FLG: variants seen among roughly 807,000 people sequenced by gnomAD.
The protein encoded by FLG is epidermal filaggrin.
Under a neutral mutation model 3.8 loss-of-function variants are expected in FLG, and 6 were observed. The observed-to-expected ratio is 1.60, with a 90% CI of 0.87 to 3.15. The LOEUF is 3.15. Ranked by LOEUF, FLG falls within the 30% of genes most tolerant of loss-of-function variation. The pLI, the probability that FLG is intolerant of heterozygous loss-of-function variation, is 0.00. For missense variants in FLG, 7,595 were observed against 5,050.9 expected (o/e 1.50, Z -15.27); for synonymous variants, 2,551 against 1,931.6 (o/e 1.32, Z -8.41).
In FLG at chr1:152,314,242, T is replaced by C. The variant is rs1256434653; in HGVS notation, c.644A>G (p.Tyr215Cys). The C allele has an allele frequency of 1.2e-6, 2 of 1,613,676 alleles. No individual in the cohort carries two copies. Among genetic ancestry groups the C allele is most frequent in the South Asian group, 1.1e-5 (1 of 91,068 alleles). The change falls in exon 3 of 3, where the codon TAT becomes TGT. Residue 215 changes from tyrosine to cysteine, a missense_variant. Transcript: ENST00000368799. ...EEKEDNEEGV[Y>C]DYENTGRMTQ... ...CATTCTTCCTGTATTTTCATAATCA[T>C]ATACTCCTTCTTCATTGTCTTCTTT...
chr1:152,304,353 A>T lies in FLG; in HGVS notation c.10533T>A (p.Thr3511=), dbSNP rs146046754. The change falls in exon 3 of 3, where the codon ACT becomes ACA. Residue 3511 remains threonine, a synonymous_variant. Coordinates refer to ENST00000368799, the MANE Select transcript of FLG (RefSeq NM_002016.2). The part of the protein sequence containing the change: ...HSWSHHHEAS[T]QADSSRHSQS... ...GTGAGTGTCTAGAGCTGTCCGCCTG[A>T]GTGGAAGCTTCATGGTGATGCGACC... The T allele has an allele frequency of 1.2e-6, 2 of 1,611,566 alleles. No individual in the cohort carries two copies. Among genetic ancestry groups the T allele is most frequent in the Middle Eastern group, 1.6e-4 (1 of 6,072 alleles).
rs779044304 is a variant in FLG, at chr1:152,303,137, G to C, written c.11749C>G (p.Pro3917Ala). The change falls in exon 3 of 3, where the codon CCT becomes GCT. Residue 3917 changes from proline to alanine, a missense_variant. Coordinates refer to ENST00000368799, the MANE Select transcript of FLG (RefSeq NM_002016.2). Reference protein sequence around the residue: ...RDTASHVQSSPVQSDSSTAKE... With the variant: ...RDTASHVQSSAVQSDSSTAKE... ...GCGGTACTAGAGTCTGACTGTACAG[G>C]TGAAGACTGTACATGACTGGCTGTA... is the stretch of plus-strand genomic sequence containing the variant. 3 of 1,614,034 alleles carry C rather than the reference G, an allele frequency of 1.9e-6. No homozygotes were observed. The Admixed American group carries it at 5.0e-5, about 27-fold the overall frequency.
At position 152,304,375 on chromosome 1, in the gene FLG, G is replaced by A. The variant is rs749166276; in HGVS notation, c.10511C>T (p.Ser3504Leu). 3.1e-6 allele frequency: 5 copies of A among 1,611,754 alleles called. 1 individual carries two copies. Among genetic ancestry groups the A allele is most frequent in the South Asian group, 1.1e-5 (1 of 90,510 alleles). The change falls in exon 3 of 3, where the codon TCG becomes TTG. Residue 3504 changes from serine to leucine, a missense_variant. By Grantham distance (145) the Ser-to-Leu change is moderately radical. Coordinates refer to ENST00000368799, the MANE Select transcript of FLG (RefSeq NM_002016.2). ...QSGDGSRHSW[S>L]HHHEASTQAD... ...CTGAGTGGAAGCTTCATGGTGATGC[G>A]ACCATGAGTGCCTGGAGCCATCTCC...
Position 152,310,976 on chromosome 1 carries a change from C to T in FLG, c.3910G>A (p.Asp1304Asn), listed in dbSNP as rs757561931. ...HHGSSREQSR[D>N]GSRHPGFHQE... ...TGGAACCCAGGGTGTCTGGAGCCAT[C>T]TCTTGACTGCTCCCGAGAAGATCCA... The change falls in exon 3 of 3, where the codon GAT (aspartate) becomes AAT (asparagine). Residue 1304 changes from aspartate to asparagine, a missense_variant. Physicochemically the swap from Asp to Asn is conservative, Grantham distance 23. Coordinates refer to ENST00000368799, the MANE Select transcript of FLG (RefSeq NM_002016.2). The T allele has an allele frequency of 1.9e-6, 3 of 1,613,882 alleles. No individual in the cohort carries two copies. Among genetic ancestry groups the T allele is most frequent in the East Asian group, 2.2e-5 (1 of 44,858 alleles).
rs747864838 is a variant in FLG at position 152,304,483 on chromosome 1, G to A, written c.10403C>T (p.Thr3468Ile). Residue 3468 changes from threonine (T) to isoleucine (I), a missense_variant, in exon 3 of 3, where the codon ACA (threonine) becomes ATA (isoleucine). Coordinates refer to ENST00000368799, the MANE Select transcript of FLG (RefSeq NM_002016.2). ...GGAGGCATCAGACCTTCCCTGGGAT[G>A]TGGTGTGGCTGTGATGGGACCCTGA... ...GHSGSHHSHT[T>I]SQGRSDASRG... 3 of 1,612,952 alleles carry A rather than the reference G, an allele frequency of 1.9e-6. No homozygotes were observed. The highest frequency in any genetic ancestry group is 1.7e-6 in the Non-Finnish European group (2 of 1,179,674).
rs1212309418 is a variant in FLG, at chr1:152,310,728, T to C, written c.4158A>G (p.Gly1386=). 2 of 1,613,974 alleles carry C rather than the reference T, an allele frequency of 1.2e-6. No homozygotes were observed. Among genetic ancestry groups the C allele is most frequent in the African/African-American group, 1.3e-5 (1 of 74,960 alleles). ...CCTGACTACCACTGGACCCTCGGTG[T>C]CCACTGTCTCTGACTGCAGATGAAG... ...RQASSAVRDS[G]HRGSSGSQVT... The change falls in exon 3 of 3, where the codon GGA becomes GGG. Residue 1386 remains glycine, a synonymous_variant. Transcript: ENST00000368799.
chr1:152,314,757 G>A lies in FLG; in HGVS notation c.139-10C>T. 6.2e-7 allele frequency: 1 copy of A among 1,613,764 alleles called. No homozygotes were observed. Among genetic ancestry groups the A allele is most frequent in the Non-Finnish European group, 8.5e-7 (1 of 1,179,770 alleles). On this transcript the variant is annotated splice_polypyrimidine_tract_variant and intron_variant, in intron 2 of 2. Coordinates refer to ENST00000368799, the MANE Select transcript of FLG (RefSeq NM_002016.2). ...CTGGGTCATCTGGATTCTGTACAGA[G>A]GGAAGTCACAGAGGGAGACTGCATC... is the stretch of plus-strand genomic sequence containing the variant.
Position 152,312,969 on chromosome 1 carries a change from C to T in FLG, c.1917G>A (p.Gly639=). ...GHSEDSERWS[G]SASRNHHGSA... is the part of the protein sequence containing the mutation. Reference sequence around the variant, plus strand: ...ATCCATGATGGTTTCTGGAAGCAGACCCAGACCACCTCTCAGAGTCTTCTG... The same window carrying T: ...ATCCATGATGGTTTCTGGAAGCAGATCCAGACCACCTCTCAGAGTCTTCTG... The change falls in exon 3 of 3, where the codon GGG becomes GGA. Residue 639 remains glycine, a synonymous_variant. Transcript: ENST00000368799. The T allele has an allele frequency of 6.2e-7, 1 of 1,613,944 alleles. No individual in the cohort carries two copies. The highest frequency in any genetic ancestry group is 8.5e-7 in the Non-Finnish European group (1 of 1,180,014).
rs752355417 is a variant in FLG at position 152,307,910 on chromosome 1, C to T, written c.6976G>A (p.Ala2326Thr). 1 of 1,613,408 alleles carries T rather than the reference C, an allele frequency of 6.2e-7. No individual in the cohort carries two copies. The highest frequency in any genetic ancestry group is 8.5e-7 in the Non-Finnish European group (1 of 1,179,756). Reference sequence around the variant, plus strand: ...TGGTGGGATCCGTGTCTCTCTCCTGCACTTGATCTTGCCTGTTCATGGGAT... The same window carrying T: ...TGGTGGGATCCGTGTCTCTCTCCTGTACTTGATCTTGCCTGTTCATGGGAT... ...ASSHEQARSS[A>T]GERHGSHHQQ... is the part of the protein sequence containing the mutation. The change falls in exon 3 of 3, where the codon GCA becomes ACA. Residue 2326 changes from alanine to threonine, a missense_variant. Coordinates refer to ENST00000368799, the MANE Select transcript of FLG (RefSeq NM_002016.2).
In FLG at chr1:152,303,481, C is replaced by T. The variant is rs753492442; in HGVS notation, c.11405G>A (p.Gly3802Glu). 1.9e-6 allele frequency: 3 copies of T among 1,614,028 alleles called. No individual in the cohort carries two copies. Among genetic ancestry groups the T allele is most frequent in the East Asian group, 4.5e-5 (2 of 44,868 alleles). The change falls in exon 3 of 3, where the codon GGG (glycine) becomes GAG (glutamate). Residue 3802 changes from glycine (G) to glutamate (E), a missense_variant. Physicochemically the swap from Gly to Glu is moderately conservative, Grantham distance 98. Coordinates refer to ENST00000368799, the MANE Select transcript of FLG (RefSeq NM_002016.2). ...GCTTGCACTTCTGGATCCTGACTGC[C>T]CATGGGAGGCATCAGACCTTCCCTG... ...TSQGRSDASH[G>E]QSGSRSASRE...
chr1:152,309,327 A>G lies in FLG; in HGVS notation c.5559T>C (p.Asp1853=), dbSNP rs572805958. 1 of 1,613,808 alleles carries G rather than the reference A, an allele frequency of 6.2e-7. No homozygotes were observed. The highest frequency in any genetic ancestry group is 1.3e-5 in the African/African-American group (1 of 74,908). ...HSHTTSQERS[D]VSRGQSGSRS... The stretch of plus-strand genomic sequence containing the variant: ...TGGATCCTGACTGCCCACGGGAGAC[A>G]TCAGACCTTTCCTGGGACGTGGTGT... The change falls in exon 3 of 3, where the codon GAT becomes GAC. Residue 1853 remains aspartate, a synonymous_variant. Coordinates refer to ENST00000368799, the MANE Select transcript of FLG (RefSeq NM_002016.2).
chr1:152,320,217 A>G (rs1228442895), intron 1 of FLG, among the ~76,000 whole-genome samples: 1 of 151,252 alleles, frequency 6.6e-6, no homozygotes, highest in African/African-American at 2.4e-5. Context: ...AAAGAAATAC[A>G]GAACAGGTGA....
At position 152,308,206 on chromosome 1, in the gene FLG, T is replaced by C; in HGVS notation, c.6680A>G (p.Gln2227Arg). ...ADSSRHSLVG[Q>R]GQSSGPRTSR... ...TGTCCTGGGCCCTGATGATTGTCCC[T>C]GGCCCACCAGTGAGTGTCTAGAGCT... The change falls in exon 3 of 3, where the codon CAG (glutamine) becomes CGG (arginine). Residue 2227 changes from glutamine to arginine, a missense_variant. Transcript: ENST00000368799. 6.2e-7 allele frequency: 1 copy of C among 1,614,022 alleles called. No homozygotes were observed. Among genetic ancestry groups the C allele is most frequent in the East Asian group, 2.2e-5 (1 of 44,846 alleles).
chr1:152,313,456 T>C lies in FLG; in HGVS notation c.1430A>G (p.Gln477Arg). ...GGTCCGTCCATGGGCAGAGTCAGGC[T>C]GTTCATGAGTGCTCACCTGGTAGAG... is the stretch of plus-strand genomic sequence containing the variant. ...SSLYQVSTHEQPDSAHGRTGT... is the reference protein window; with the variant it reads ...SSLYQVSTHERPDSAHGRTGT... Residue 477 changes from glutamine (Q) to arginine (R), a missense_variant, in exon 3 of 3, where the codon CAG (glutamine) becomes CGG (arginine). Transcript: ENST00000368799. 2.5e-6 allele frequency: 4 copies of C among 1,613,908 alleles called. No individual in the cohort carries two copies. The South Asian group carries it at 4.4e-5, about 18-fold the overall frequency.
chr1:152,312,906 G>A lies in FLG; in HGVS notation c.1980C>T (p.Pro660=), dbSNP rs371589282. ...CAGCTCTGTCTTCGTGATGGGACCT[G>A]GGGTGTCTGGAGCCATCTCTTGACT... ...QEQSRDGSRH[P]RSHHEDRAGH... Residue 660 remains proline (P), a synonymous_variant, in exon 3 of 3, where the codon CCC becomes CCT. Coordinates refer to ENST00000368799, the MANE Select transcript of FLG (RefSeq NM_002016.2). The A allele has an allele frequency of 1.2e-6, 2 of 1,613,982 alleles. No individual in the cohort carries two copies. Among genetic ancestry groups the A allele is most frequent in the African/African-American group, 2.7e-5 (2 of 74,918 alleles).
Position 152,313,522 on chromosome 1 carries a change from C to T in FLG, c.1364G>A (p.Arg455His), listed in dbSNP as rs1167365260. 1.5e-5 allele frequency: 24 copies of T among 1,613,988 alleles called. No homozygotes were observed. Among genetic ancestry groups the T allele is most frequent in the Middle Eastern group, 1.6e-4 (1 of 6,062 alleles). The change falls in exon 3 of 3, where the codon CGT (arginine) becomes CAT (histidine). Residue 455 changes from arginine to histidine, a missense_variant. By Grantham distance (29) the Arg-to-His change is conservative. Transcript: ENST00000368799. ...LRQQSHQEST[R>H]GRSGERSGRS... ...TCCAGACCGTTCCCCTGACCGGCCA[C>T]GTGTGGACTCTTGGTGGCTCTGCTG...
rs572678186 is a variant in FLG, at chr1:152,307,239, C to T, written c.7647G>A (p.Val2549=). ...TGGGCCCCTCTGATTGTCCCTGGCC[C>T]ACCTGCGAGTGTCCAGAGCTGTCGG... ...SRADSSGHSQ[V]GQGQSEGPRT... Residue 2549 remains valine, a synonymous_variant, in exon 3 of 3, where the codon GTG becomes GTA. Transcript: ENST00000368799. 3.7e-5 allele frequency: 59 copies of T among 1,610,860 alleles called. No individual in the cohort carries two copies. Among genetic ancestry groups the T allele is most frequent in the Middle Eastern group, 1.7e-4 (1 of 6,058 alleles).
Position 152,314,441 on chromosome 1 carries a change from C to A in FLG, c.445G>T (p.Gly149Trp). The A allele has an allele frequency of 6.2e-7, 1 of 1,613,346 alleles. No individual in the cohort carries two copies. The highest frequency in any genetic ancestry group is 2.2e-5 in the East Asian group (1 of 44,844). ...TCAGAACTAGATTCATGCCTTTTCC[C>A]CCCTGTTTCTCTTGGGCTCTTGGAT... ...GRSKSPRETG[G>W]KRHESSSEKK... Residue 149 changes from glycine (G) to tryptophan (W), a missense_variant, in exon 3 of 3, where the codon GGG becomes TGG. Physicochemically the swap from Gly to Trp is radical, Grantham distance 184 (BLOSUM62 -2). Coordinates refer to ENST00000368799, the MANE Select transcript of FLG (RefSeq NM_002016.2).
At chr1:152,318,484 G>T (rs1652858192) in intron 1 of FLG, among the ~76,000 whole-genome samples, 1 of 151,524 alleles carries the variant, frequency 6.6e-6, no homozygotes, top group South Asian at 2.1e-4. Context: ...GAATGCTGTT[G>T]TCTCTCAGTA....
Sources: allele counts gnomAD v4.1 joint callset (sites outside exome capture counted in the v4.1 genomes callset), GRCh38; gene constraint gnomAD v4.1.1; transcripts MANE v1.5; gene names NCBI Gene and HGNC (gene_info 2026-07-23, HGNC 2026-07-21).